The following FGFR2 variants were observed in gnomAD, a reference collection of about 807,000 sequenced individuals.
FGFR2 encodes the protein BEK fibroblast growth factor receptor.
Under a neutral mutation model 95.9 loss-of-function variants are expected in FGFR2, and 19 were observed. The ratio of observed to expected loss-of-function variants is 0.20; its 90% CI spans 0.14 to 0.29. The LOEUF (loss-of-function observed/expected upper bound fraction) is 0.29. Ranked by LOEUF, FGFR2 falls within the 10% of genes least tolerant of loss-of-function variation. The pLI is 1.00. For missense variants in FGFR2, 707 were observed against 1,056.9 expected, an observed-to-expected ratio of 0.67 and a Z score of 4.59; for synonymous variants, 392 against 393.3, an observed-to-expected ratio of 1.00 and a Z score of 0.04.
chr10:121,488,497 C>T (rs543741086), intron 13 of FGFR2, among the ~76,000 whole-genome samples: 7 of 141,974 alleles, frequency 4.9e-5, no homozygotes, highest in African/African-American at 1.6e-4. Context: ...GCTGAGATCA[C>T]GCCATTGCAC....
intron 4 of FGFR2, among the ~76,000 whole-genome samples, chr10:121,558,597 G>T (rs77258468): frequency 6.6e-6 from 1 of 151,048 alleles, no homozygotes; most frequent in South Asian, 2.1e-4. Context: ...GATGTTAATA[G>T]ATACAGTTTT....
chr10:121,522,085 C>T (rs982485078), intron 6 of FGFR2, among the ~76,000 whole-genome samples: 1 of 152,150 alleles, frequency 6.6e-6, no homozygotes, highest in African/African-American at 2.4e-5. Context: ...CTAAATTCAT[C>T]GCATTCATAA....
intron 13 of FGFR2, among the ~76,000 whole-genome samples, chr10:121,489,595 A>G (rs1845871806): frequency 6.6e-6 from 1 of 152,146 alleles, no homozygotes; most frequent in Admixed American, 6.5e-5. Flanking sequence ...CCTGAGACCC[A>G]TGTTCTCATT....
At chr10:121,499,070 G>A (rs545422693) in intron 11 of FGFR2, among the ~76,000 whole-genome samples, 25 of 152,222 alleles carry the variant, frequency 1.6e-4, no homozygotes, top group Admixed American at 1.0e-3. Flanking sequence ...GGGTTCAGAC[G>A]GTTCCCCATA....
At chr10:121,527,392 C>A (rs989128918) in intron 6 of FGFR2, among the ~76,000 whole-genome samples, 6 of 152,082 alleles carry the variant, frequency 3.9e-5, no homozygotes, top group African/African-American at 7.2e-5. Flanking sequence ...TCTTTGGTAA[C>A]CAGAGAGTTA....
Position 121,518,966 on chromosome 10 carries a change from A to T in FGFR2, c.939+1013T>A. The T allele has an allele frequency of 1.9e-6, 2 of 1,068,842 alleles. No homozygotes were observed. The highest frequency in any genetic ancestry group is 1.4e-6 in the Non-Finnish European group (1 of 713,264). The allele number at this position is 1,068,842 out of a possible 1,614,324, so 66.2% of individuals were successfully genotyped here. A position where few individuals can be genotyped will look rare whatever the true frequency, so the allele number is the denominator to read the frequency against. On this transcript the variant is annotated intron_variant, in intron 7 of 17. Coordinates refer to ENST00000358487, the MANE Select transcript of FGFR2 (RefSeq NM_000141.5). This position sits in a 1 kb window ranked among gnomAD's most constrained non-coding sequence, Gnocchi z 4.0. Reference sequence around the variant, plus strand: ...GCGGCATTAAAGGGCTGCGGATTTTAAAGAACAAAATCAGTCCAGTGGTGG... The same window carrying T: ...GCGGCATTAAAGGGCTGCGGATTTTTAAGAACAAAATCAGTCCAGTGGTGG...
At chr10:121,580,475 CG>C in intron 2 of FGFR2, among the ~76,000 whole-genome samples, 1 of 144,458 alleles carries the variant, frequency 6.9e-6, no homozygotes, top group Non-Finnish European at 1.5e-5. Context: ...GCCAGCATCT[CG>C]AAACCCGTGC....
At position 121,593,848 on chromosome 10, in the gene FGFR2, A is replaced by T. The variant is rs751455486; in HGVS notation, c.-31T>A. On this transcript the variant is annotated 5_prime_UTR_variant, in exon 2 of 18. An upstream start codon of the reference 5' UTR is lost. Transcript: ENST00000358487. ...CGGTACCAATCCCCGGTCCTCTTCC[A>T]TATCTCCATGTGGACGTTAATCCCA... 3 of 1,588,616 alleles carry T rather than the reference A, an allele frequency of 1.9e-6. No individual in the cohort carries two copies. Among genetic ancestry groups the T allele is most frequent in the Non-Finnish European group, 2.6e-6 (3 of 1,156,786 alleles).
At chr10:121,557,852 G>A (rs1019656047) in intron 4 of FGFR2, among the ~76,000 whole-genome samples, 5 of 152,134 alleles carry the variant, frequency 3.3e-5, no homozygotes, top group African/African-American at 4.8e-5. Context: ...GGAATCTCAG[G>A]CTAACTACCT....
chr10:121,512,368 C>G (rs1849162980), intron 9 of FGFR2, among the ~76,000 whole-genome samples: 1 of 152,140 alleles, frequency 6.6e-6, no homozygotes, highest in Non-Finnish European at 1.5e-5. Flanking sequence ...CAATAATGTA[C>G]CCCACTTGGA....
rs373858285 is a variant in FGFR2, at chr10:121,567,834, AG to A, written c.110-2131del. On this transcript the variant is annotated intron_variant, in intron 2 of 17. Coordinates refer to ENST00000358487, the MANE Select transcript of FGFR2 (RefSeq NM_000141.5). The stretch of plus-strand genomic sequence containing the variant: ...AAGGGCAGAGTTCAGTCATTGCAAC[AG>A]AAACCCTGTGGCCTGCAAGCCCTAC... 1.4e-3 allele frequency among the ~76,000 whole-genome samples: 212 copies of A among 152,374 alleles called. 3 individuals carry two copies. In the East Asian group the frequency reaches 0.031, roughly 22 times the overall value.
At chr10:121,495,357 C>T (rs1297195507) in intron 13 of FGFR2, among the ~76,000 whole-genome samples, 1 of 151,922 alleles carries the variant, frequency 6.6e-6, no homozygotes, top group African/African-American at 2.4e-5. Flanking sequence ...TCTACCAAAA[C>T]AAAAAACAAA....
At chr10:121,556,681 A>G (rs1289626759) in intron 4 of FGFR2, among the ~76,000 whole-genome samples, 1 of 152,106 alleles carries the variant, frequency 6.6e-6, no homozygotes, top group Non-Finnish European at 1.5e-5. Flanking sequence ...GAACTCTCCC[A>G]TGGTAATTAA....
intron 2 of FGFR2, among the ~76,000 whole-genome samples, chr10:121,571,595 C>T (rs886801666): frequency 2.4e-4 from 36 of 151,884 alleles, no homozygotes; most frequent in African/African-American, 8.7e-4. Context: ...GTGGTAGCCA[C>T]CGCACCTGGC....
chr10:121,515,834 T>C (rs1256942574), intron 8 of FGFR2, among the ~76,000 whole-genome samples: 1 of 149,258 alleles, frequency 6.7e-6, no homozygotes, highest in East Asian at 2.0e-4. Flanking sequence ...GATGTTCATC[T>C]AGTAGGCTGG....
chr10:121,573,056 T>G (rs536369498), intron 2 of FGFR2, among the ~76,000 whole-genome samples: 17 of 151,858 alleles, frequency 1.1e-4, no homozygotes, highest in African/African-American at 3.4e-4. Flanking sequence ...GCAAAAGGGT[T>G]TGGAAACGGT....
intron 1 of FGFR2, among the ~76,000 whole-genome samples, chr10:121,595,619 A>G (rs1237022675): frequency 6.6e-6 from 1 of 152,250 alleles, no homozygotes; most frequent in Non-Finnish European, 1.5e-5. Flanking sequence ...TTCTACATAC[A>G]TGTGGGAGGA....
intron 6 of FGFR2, among the ~76,000 whole-genome samples, chr10:121,520,983 T>C (rs2134333558): frequency 6.6e-6 from 1 of 152,338 alleles, no homozygotes; most frequent in South Asian, 2.1e-4. Context: ...CTTCCAACCT[T>C]TGTTTTAAAA....
chr10:121,541,070 G>T (rs1017576831), intron 5 of FGFR2, among the ~76,000 whole-genome samples: 1 of 152,022 alleles, frequency 6.6e-6, no homozygotes. Flanking sequence ...TCAAGAGCAC[G>T]TGCTCTCTGA....
Sources: allele counts gnomAD v4.1 joint callset (sites outside exome capture counted in the v4.1 genomes callset), GRCh38; gene constraint gnomAD v4.1.1; non-coding constraint Gnocchi (gnomAD v3.1); transcripts MANE v1.5; gene names NCBI Gene and HGNC (gene_info 2026-07-23, HGNC 2026-07-21).